The following ASIC2 variants were observed in gnomAD, a reference collection of about 807,000 sequenced individuals.
ASIC2 encodes the protein acid sensing ion channel subunit 2.
A neutral mutation model predicts 57.3 loss-of-function variants in ASIC2; 25 were observed. The ratio of observed to expected loss-of-function variants is 0.44; its 90% CI spans 0.32 to 0.61. ASIC2 has a LOEUF of 0.61. Ranked by LOEUF, ASIC2 falls within the 20% of genes least tolerant of loss-of-function variation. ASIC2 has a pLI of 0.06. For synonymous variants in ASIC2, 319 were observed against 307.5 expected (o/e 1.04, Z -0.39); for missense variants, 641 against 738.1 (o/e 0.87, Z 1.52).
intron 1 of ASIC2, among the ~76,000 whole-genome samples, chr17:34,048,793 T>A (rs1908433342): frequency 6.6e-6 from 1 of 152,186 alleles, no homozygotes; most frequent in South Asian, 2.1e-4. Flanking sequence ...GATGGTATGT[T>A]GGTGCTGTCG....
chr17:33,309,003 T>C (rs1316776857), intron 1 of ASIC2, among the ~76,000 whole-genome samples: 2 of 152,184 alleles, frequency 1.3e-5, no homozygotes, highest in Non-Finnish European at 2.9e-5. Context: ...GGCTGATAAA[T>C]GCTTGCCACA....
At chr17:33,590,691 C>A (rs1904800437) in intron 1 of ASIC2, among the ~76,000 whole-genome samples, 1 of 152,152 alleles carries the variant, frequency 6.6e-6, no homozygotes, top group Admixed American at 6.5e-5. Flanking sequence ...CTACACCACA[C>A]CCCAATCTCT....
chr17:33,966,357 C>T (rs567860911), intron 1 of ASIC2, among the ~76,000 whole-genome samples: 8 of 152,282 alleles, frequency 5.3e-5, no homozygotes, highest in East Asian at 1.9e-4. Flanking sequence ...AATTACCTAA[C>T]GTCTCTGAGC....
At chr17:33,613,901 C>T (rs877006) in intron 1 of ASIC2, among the ~76,000 whole-genome samples, 67,499 of 151,878 alleles carry the variant, frequency 0.44, 15,310 homozygotes, top group Middle Eastern at 0.53. Context: ...ATTGTTTGTT[C>T]GTTTATTTTT....
At chr17:33,117,138 G>A (rs1490629453) in intron 1 of ASIC2, among the ~76,000 whole-genome samples, 2 of 151,884 alleles carry the variant, frequency 1.3e-5, no homozygotes, top group Non-Finnish European at 2.9e-5. Flanking sequence ...ACAGGCATGA[G>A]CCACAGTGCC....
chr17:33,301,098 C>T (rs376757895), intron 1 of ASIC2, among the ~76,000 whole-genome samples: 16 of 152,014 alleles, frequency 1.1e-4, no homozygotes, highest in South Asian at 4.2e-4. Context: ...GTGGTGATCT[C>T]GACTCACGGC....
At chr17:34,093,530 G>T (rs960527092) in intron 1 of ASIC2, among the ~76,000 whole-genome samples, 1 of 151,852 alleles carries the variant, frequency 6.6e-6, no homozygotes, top group African/African-American at 2.4e-5. Flanking sequence ...CAAAAGGCAA[G>T]AATCGGGACT....
intron 3 of ASIC2, among the ~76,000 whole-genome samples, chr17:33,035,966 G>A (rs916861659): frequency 6.6e-6 from 1 of 152,170 alleles, no homozygotes; most frequent in African/African-American, 2.4e-5. Context: ...TCCATCCCCA[G>A]TATTCCCTTA....
chr17:33,062,341 C>T (rs1295993354), intron 3 of ASIC2, among the ~76,000 whole-genome samples: 1 of 152,138 alleles, frequency 6.6e-6, no homozygotes, highest in Non-Finnish European at 1.5e-5. Flanking sequence ...AAATGTGTCC[C>T]AGAGATTCTG....
intron 1 of ASIC2, among the ~76,000 whole-genome samples, chr17:33,564,936 C>T (rs1021909317): frequency 1.3e-5 from 2 of 152,332 alleles, no homozygotes; most frequent in Non-Finnish European, 2.9e-5. Flanking sequence ...CCCATCCCTT[C>T]GTTTCCCATA....
chr17:33,224,541 A>G (rs1302847610), intron 1 of ASIC2, among the ~76,000 whole-genome samples: 1 of 152,248 alleles, frequency 6.6e-6, no homozygotes, highest in African/African-American at 2.4e-5. Flanking sequence ...ACTAGAAGGA[A>G]GAGCTGGATC....
intron 1 of ASIC2, among the ~76,000 whole-genome samples, chr17:33,630,737 G>A (rs1906138040): frequency 6.6e-6 from 1 of 152,178 alleles, no homozygotes; most frequent in Admixed American, 6.5e-5. Flanking sequence ...AGAATCAAAT[G>A]TGAAAATTCA....
intron 1 of ASIC2, chr17:33,984,427 T>C (rs1037937941): frequency 2.6e-5 from 4 of 152,222 alleles, no homozygotes; most frequent in African/African-American, 7.2e-5. Context: ...CTCTGTTCCA[T>C]ACCAAGCAAT....
At chr17:33,047,713 C>T (rs2091960891) in intron 3 of ASIC2, among the ~76,000 whole-genome samples, 1 of 152,160 alleles carries the variant, frequency 6.6e-6, no homozygotes, top group Non-Finnish European at 1.5e-5. Flanking sequence ...GCTTTCTTTT[C>T]CACTAAATGA....
At chr17:33,507,084 C>T (rs1048932123) in intron 1 of ASIC2, among the ~76,000 whole-genome samples, 8 of 152,212 alleles carry the variant, frequency 5.3e-5, no homozygotes, top group African/African-American at 4.8e-5. Context: ...CTGCTCGGCA[C>T]ATCCTCTTCT....
chr17:33,819,084 C>T lies in ASIC2; in HGVS notation c.555+336894G>A, dbSNP rs1488437586. ...ATTTAGGAAAAACCCAGGGATAATG[C>T]CGTTTGAAGCTGGTGGCCTAGCTAT... On this transcript the variant is annotated intron_variant, in intron 1 of 9. Transcript: ENST00000359872. Among the ~76,000 whole-genome samples the T allele has an allele frequency of 3.3e-5, 5 of 152,116 alleles. No homozygotes were observed. The East Asian group carries it at 9.6e-4, about 29-fold the overall frequency.
chr17:33,872,691 C>T (rs560983467), intron 1 of ASIC2, among the ~76,000 whole-genome samples: 7 of 152,256 alleles, frequency 4.6e-5, no homozygotes, highest in South Asian at 4.2e-4. Context: ...CCCCAGTAAT[C>T]GCTCACCCAG....
In ASIC2 at chr17:33,520,705, C is replaced by T. The variant is rs368197104; in HGVS notation, c.556-408638G>A. Among the ~76,000 whole-genome samples the T allele has an allele frequency of 9.6e-4, 147 of 152,366 alleles. 1 individual carries two copies. Among genetic ancestry groups the T allele is most frequent in the African/African-American group, 3.0e-3 (125 of 41,580 alleles). ...TATGAAGGGTGGAGGAGCAAGTGAG[C>T]GGCCCCAAAGCTTAAAACTTTATTT... On this transcript the variant is annotated intron_variant, in intron 1 of 9. Transcript: ENST00000359872.
intron 1 of ASIC2, among the ~76,000 whole-genome samples, chr17:33,517,965 C>T (rs937043478): frequency 1.3e-5 from 2 of 152,174 alleles, no homozygotes; most frequent in Non-Finnish European, 1.5e-5. Context: ...TGGAGTGTAA[C>T]GACCGCAGGC....
Sources: allele counts gnomAD v4.1 joint callset (sites outside exome capture counted in the v4.1 genomes callset), GRCh38; gene constraint gnomAD v4.1.1; transcripts MANE v1.5; gene names NCBI Gene and HGNC (gene_info 2026-07-23, HGNC 2026-07-21).